The following ACOX1 variants were observed in gnomAD, a reference collection of about 807,000 sequenced individuals.
ACOX1 encodes the protein peroxisomal acyl-coenzyme A oxidase 1.
A neutral mutation model predicts 75.5 loss-of-function variants in ACOX1; 41 were observed. That is an observed-to-expected ratio of 0.54 (90% CI 0.42 to 0.70). ACOX1 has a LOEUF of 0.70. ACOX1 is among the 30% of genes least tolerant of loss of function. The pLI is 0.00. For missense variants in ACOX1, 630 were observed against 837.5 expected, an observed-to-expected ratio of 0.75 and a Z score of 3.06; for synonymous variants, 303 against 298.8, an observed-to-expected ratio of 1.01 and a Z score of -0.15.
At chr17:75,951,723 AT>A in intron 7 of ACOX1, 146 bp from the exon 8 acceptor site, 1 of 754,252 alleles carries the variant, frequency 1.3e-6, no homozygotes, top group Non-Finnish European at 2.1e-6. Context: ...TACTATCTCC[AT>A]TTTACAAATG....
At chr17:75,972,581 G>T (rs1408336820) in intron 2 of ACOX1, among the ~76,000 whole-genome samples, 1 of 148,540 alleles carries the variant, frequency 6.7e-6, no homozygotes, top group African/African-American at 2.5e-5. Flanking sequence ...AGAGGCGGAG[G>T]TTGCAGTGAG....
chr17:75,952,786 G>A (rs1039060130), intron 7 of ACOX1, among the ~76,000 whole-genome samples: 5 of 148,200 alleles, frequency 3.4e-5, no homozygotes, highest in South Asian at 2.2e-4. Flanking sequence ...AGCTGAGATC[G>A]CGCCACTGCA....
chr17:75,968,270 A>G (rs1160287864), intron 2 of ACOX1, among the ~76,000 whole-genome samples: 1 of 148,126 alleles, frequency 6.8e-6, no homozygotes, highest in Non-Finnish European at 1.5e-5. Flanking sequence ...CCCCGTCTCT[A>G]CTAAAAATAC....
At chr17:75,971,028 A>C (rs774955235) in intron 2 of ACOX1, among the ~76,000 whole-genome samples, 12 of 152,244 alleles carry the variant, frequency 7.9e-5, no homozygotes, top group Non-Finnish European at 1.8e-4. Context: ...ATGATGGCTC[A>C]CGCCTATAAT....
At chr17:75,953,236 CT>C in intron 7 of ACOX1, 1 of 476,274 alleles carries the variant, frequency 2.1e-6, no homozygotes, top group East Asian at 3.9e-5. Context: ...CTCTTTTTTT[CT>C]TTTTTGGCAG....
At position 75,941,573 on chromosome 17, in the gene ACOX1, G is replaced by A. The variant is rs1399134308; in HGVS notation, c.*5175C>T. On this transcript the variant is annotated 3_prime_UTR_variant, in exon 14 of 14. Coordinates refer to ENST00000293217, the MANE Select transcript of ACOX1 (RefSeq NM_004035.7). ...ATTCAATGTCACAGAGGAAAGAACGGTTTGTAGTTTTGCTTACCCGCAGTG... is the reference window on the plus strand; with the variant it reads ...ATTCAATGTCACAGAGGAAAGAACGATTTGTAGTTTTGCTTACCCGCAGTG... 3 of 152,246 alleles carry A rather than the reference G, an allele frequency of 2.0e-5. No individual in the cohort carries two copies. Among genetic ancestry groups the A allele is most frequent in the African/African-American group, 7.2e-5 (3 of 41,450 alleles). The allele number at this position is 152,246 out of a possible 1,614,324, so 9.4% of individuals were successfully genotyped here.
chr17:75,960,366 G>C lies in ACOX1; in HGVS notation c.279C>G (p.His93Gln). 6.2e-7 allele frequency: 1 copy of C among 1,613,862 alleles called. No homozygotes were observed. The highest frequency in any genetic ancestry group is 2.2e-5 in the East Asian group (1 of 44,880). ...DEIMWFKNFV[H>Q]RGRPEPLDLH... ...GATCCAGAGGCTCAGGCCGCCCTCGGTGCACAAAACTTCGAGGAAATATCA... is the reference window on the plus strand; with the variant it reads ...GATCCAGAGGCTCAGGCCGCCCTCGCTGCACAAAACTTCGAGGAAATATCA... The change falls in exon 3 of 14, where the codon CAC becomes CAG. Residue 93 changes from histidine to glutamine, a missense_variant. His to Gln is a conservative substitution (Grantham distance 24, BLOSUM62 0). Transcript: ENST00000293217. This position sits in a 1 kb window ranked among gnomAD's most constrained non-coding sequence, Gnocchi z 4.4.
rs1462699465 is a variant in ACOX1 at position 75,944,731 on chromosome 17, C to G, written c.*2017G>C. The G allele has an allele frequency of 6.6e-6, 1 of 151,944 alleles. No homozygotes were observed. Among genetic ancestry groups the G allele is most frequent in the East Asian group, 1.9e-4 (1 of 5,192 alleles). 9.4% of individuals were successfully genotyped at this position (151,944 alleles called of 1,614,324 possible). Reference sequence around the variant, plus strand: ...ATTCCAATATTAATAAAAATAGCATCAAATGTCAGATTTAGATTTTTTTTT... The same window carrying G: ...ATTCCAATATTAATAAAAATAGCATGAAATGTCAGATTTAGATTTTTTTTT... On this transcript the variant is annotated 3_prime_UTR_variant, in exon 14 of 14. Coordinates refer to ENST00000293217, the MANE Select transcript of ACOX1 (RefSeq NM_004035.7).
chr17:75,962,104 T>C (rs1271858643), intron 2 of ACOX1, among the ~76,000 whole-genome samples: 1 of 152,120 alleles, frequency 6.6e-6, no homozygotes, highest in African/African-American at 2.4e-5. Context: ...TTCATTCAGA[T>C]TCATCATGTC....
At chr17:75,947,501 C>A (rs1294561433) in intron 13 of ACOX1, among the ~76,000 whole-genome samples, 2 of 152,100 alleles carry the variant, frequency 1.3e-5, no homozygotes, top group Non-Finnish European at 2.9e-5. Flanking sequence ...CCTGCCTCGG[C>A]CTCCCAGGTG....
intron 8 of ACOX1, 131 bp from the exon 9 acceptor site, chr17:75,951,095 A>C (rs2065770263): frequency 2.0e-6 from 2 of 990,966 alleles, no homozygotes; most frequent in Non-Finnish European, 3.1e-6. Flanking sequence ...CAAACTGAAG[A>C]AGCACAGCTG....
chr17:75,955,829 T>C lies in ACOX1; in HGVS notation c.657A>G (p.Pro219=). The C allele has an allele frequency of 6.2e-7, 1 of 1,614,154 alleles. No individual in the cohort carries two copies. The highest frequency in any genetic ancestry group is 8.5e-7 in the Non-Finnish European group (1 of 1,180,028). The part of the protein sequence containing the change: ...IREIGTHKPL[P]GITVGDIGPK... ...CAACATCAGATGAACAGTTCTTACCTGGCAAAGGCTTATGGGTCCCGATTT... is the reference window on the plus strand; with the variant it reads ...CAACATCAGATGAACAGTTCTTACCCGGCAAAGGCTTATGGGTCCCGATTT... The change falls in exon 5 of 14, where the codon CCA becomes CCG. Residue 219 remains proline (P), a splice_region_variant and synonymous_variant. Coordinates refer to ENST00000293217, the MANE Select transcript of ACOX1 (RefSeq NM_004035.7).
intron 3 of ACOX1, among the ~76,000 whole-genome samples, chr17:75,958,731 C>A (rs761622434): frequency 6.6e-6 from 1 of 151,394 alleles, no homozygotes; most frequent in Non-Finnish European, 1.5e-5. Flanking sequence ...TGGCGTGAAC[C>A]CGGAAGGTGG....
Position 75,960,183 on chromosome 17 carries a change from C to G in ACOX1, c.430+32G>C, listed in dbSNP as rs941212609. On this transcript the variant is annotated intron_variant, in intron 3 of 13. Coordinates refer to ENST00000293217, the MANE Select transcript of ACOX1 (RefSeq NM_004035.7). This position sits in a 1 kb window ranked among gnomAD's most constrained non-coding sequence, Gnocchi z 4.4. ...ACATGGTAAGCTCACAGGGGCCCGC[C>G]CAACCCAGAAGGTAGACTGAATACT... The G allele has an allele frequency of 8.1e-6, 13 of 1,613,578 alleles. No homozygotes were observed. Among genetic ancestry groups the G allele is most frequent in the Non-Finnish European group, 1.1e-5 (13 of 1,179,806 alleles).
chr17:75,955,430 T>C, intron 6 of ACOX1, 136 bp downstream of exon 6: 1 of 782,068 alleles, frequency 1.3e-6, no homozygotes, highest in Non-Finnish European at 2.2e-6. Context: ...CCCAAAGTGC[T>C]GGGATAACAG....
chr17:75,969,399 C>T (rs1052848898), intron 2 of ACOX1, among the ~76,000 whole-genome samples: 1 of 152,206 alleles, frequency 6.6e-6, no homozygotes, highest in African/African-American at 2.4e-5. Flanking sequence ...CTCCCGACCT[C>T]AGGTGATCCA....
Position 75,978,822 on chromosome 17 carries a change from C to T in ACOX1, c.110-129G>A. ...AATGGCGATATCCCCCCACCAGGGA[C>T]ACAGGCTGTTCCTCGAAGTGGGGGT... On this transcript the variant is annotated intron_variant, in intron 1 of 13. Transcript: ENST00000293217. This position sits in a 1 kb window ranked among gnomAD's most constrained non-coding sequence, Gnocchi z 4.2. The T allele has an allele frequency of 1.2e-6, 2 of 1,600,606 alleles. No individual in the cohort carries two copies. The highest frequency in any genetic ancestry group is 1.7e-6 in the Non-Finnish European group (2 of 1,177,286).
intron 11 of ACOX1, 27 bp downstream of exon 11, chr17:75,949,468 G>A (rs2065753390): frequency 1.2e-6 from 2 of 1,611,930 alleles, no homozygotes; most frequent in Admixed American, 1.7e-5. Flanking sequence ...GGGCAGGGAA[G>A]GGGAAAAAGA....
In ACOX1 at chr17:75,957,442, C is replaced by T. The variant is rs2065843898; in HGVS notation, c.538+17G>A. 6.3e-7 allele frequency: 1 copy of T among 1,593,544 alleles called. No homozygotes were observed. Among genetic ancestry groups the T allele is most frequent in the Non-Finnish European group, 8.6e-7 (1 of 1,161,374 alleles). On this transcript the variant is annotated intron_variant, in intron 4 of 13. Coordinates refer to ENST00000293217, the MANE Select transcript of ACOX1 (RefSeq NM_004035.7). Reference sequence around the variant, plus strand: ...AAACCTTCAAAACATCCAATAAATGCTGAAAAATTCACTTACGCCCACCAG... The same window carrying T: ...AAACCTTCAAAACATCCAATAAATGTTGAAAAATTCACTTACGCCCACCAG...
Sources: allele counts gnomAD v4.1 joint callset (sites outside exome capture counted in the v4.1 genomes callset), GRCh38; gene constraint gnomAD v4.1.1; non-coding constraint Gnocchi (gnomAD v3.1); transcripts MANE v1.5; gene names NCBI Gene and HGNC (gene_info 2026-07-23, HGNC 2026-07-21).